The following CEP128 variants were observed in gnomAD, a reference collection of about 807,000 sequenced individuals.
CEP128 encodes the protein centrosomal protein 128.
In CEP128, 132 loss-of-function variants were observed where a neutral mutation model predicts 156.7. The ratio of observed to expected loss-of-function variants is 0.84; its 90% CI spans 0.73 to 0.97. The LOEUF is 0.97. Among genes scored for constraint, CEP128 ranks in the 50% least tolerant of loss-of-function variants. The pLI is 0.00. For synonymous variants in CEP128, 469 were observed against 448.9 expected (o/e 1.04, Z -0.57); for missense variants, 1,252 against 1,281.9 (o/e 0.98, Z 0.36).
chr14:80,596,710 G>A (rs537177698), intron 19 of CEP128, among the ~76,000 whole-genome samples: 11 of 140,014 alleles, frequency 7.9e-5, no homozygotes, highest in Admixed American at 1.4e-4. Context: ...CTACTTGGGA[G>A]GCTGAGGCAG....
At chr14:80,743,033 T>C in intron 19 of CEP128, 42 bp downstream of exon 19, 10 of 1,579,132 alleles carry the variant, frequency 6.3e-6, no homozygotes, top group Non-Finnish European at 8.7e-6. Context: ...TAGGATTCCA[T>C]AAATATAAAC....
At chr14:80,876,018 A>G (rs918977213) in intron 8 of CEP128, among the ~76,000 whole-genome samples, 38 of 152,182 alleles carry the variant, frequency 2.5e-4, no homozygotes, top group African/African-American at 7.7e-4. Flanking sequence ...TATTCAAAAG[A>G]AAGAAAGAAG....
At chr14:80,686,291 G>A (rs968803065) in intron 19 of CEP128, among the ~76,000 whole-genome samples, 1 of 152,152 alleles carries the variant, frequency 6.6e-6, no homozygotes, top group Middle Eastern at 3.4e-3. Context: ...CATTCTTAAA[G>A]AAAGTAATTT....
At chr14:80,830,308 G>A in intron 13 of CEP128, 1 of 538,854 alleles carries the variant, frequency 1.9e-6, no homozygotes, top group Admixed American at 3.4e-5. Context: ...GAGAAACACA[G>A]ATGAGTAACA....
At chr14:80,587,387 A>C (rs144777021) in intron 19 of CEP128, among the ~76,000 whole-genome samples, 1 of 152,168 alleles carries the variant, frequency 6.6e-6, no homozygotes, top group Non-Finnish European at 1.5e-5. Flanking sequence ...ATGGAGCCCA[A>C]TTGGTCCAAT....
chr14:80,738,207 C>T (rs1210454868), intron 19 of CEP128, among the ~76,000 whole-genome samples: 4 of 152,148 alleles, frequency 2.6e-5, no homozygotes, highest in Admixed American at 2.0e-4. Flanking sequence ...ATAAGCACAA[C>T]ATAAAGTCTA....
At chr14:80,650,870 T>C (rs1288712879) in intron 19 of CEP128, among the ~76,000 whole-genome samples, 5 of 152,194 alleles carry the variant, frequency 3.3e-5, no homozygotes, top group African/African-American at 1.2e-4. Flanking sequence ...GATACTGGCC[T>C]GAAATTTTCT....
intron 19 of CEP128, among the ~76,000 whole-genome samples, chr14:80,688,527 T>A (rs1896603054): frequency 6.6e-6 from 1 of 152,214 alleles, no homozygotes; most frequent in Non-Finnish European, 1.5e-5. Context: ...TTGCAATAGT[T>A]CCCAAACCTA....
intron 19 of CEP128, among the ~76,000 whole-genome samples, chr14:80,725,161 CTT>C (rs1897974080): frequency 1.3e-5 from 2 of 149,748 alleles, no homozygotes. Flanking sequence ...TAGGTTTACT[CTT>C]TGTCATTCTT....
chr14:80,648,324 T>C (rs1323679087), intron 19 of CEP128, among the ~76,000 whole-genome samples: 2 of 152,122 alleles, frequency 1.3e-5, no homozygotes, highest in Non-Finnish European at 2.9e-5. Context: ...ATCTATCAAG[T>C]GGCTTGACAG....
chr14:80,936,208 T>G (rs931111007), intron 2 of CEP128, among the ~76,000 whole-genome samples: 1 of 152,184 alleles, frequency 6.6e-6, no homozygotes, highest in Admixed American at 6.5e-5. Context: ...AAACCCTGTA[T>G]GCAGAGTAGA....
intron 19 of CEP128, among the ~76,000 whole-genome samples, chr14:80,619,435 G>A (rs1392790911): frequency 3.4e-5 from 5 of 148,568 alleles, no homozygotes; most frequent in African/African-American, 1.2e-4. Flanking sequence ...CATGGTGGCT[G>A]ATGTCTGTAA....
chr14:80,540,712 C>A (rs1245016524), intron 21 of CEP128, among the ~76,000 whole-genome samples: 1 of 152,144 alleles, frequency 6.6e-6, no homozygotes, highest in Non-Finnish European at 1.5e-5. Context: ...AGGAGAAGGT[C>A]TTGTGGAGTT....
intron 2 of CEP128, among the ~76,000 whole-genome samples, chr14:80,948,083 AT>A (rs58750849): frequency 0.51 from 77,176 of 151,980 alleles, 21,446 homozygotes; most frequent in African/African-American, 0.74. Flanking sequence ...TAAAAGGGAA[AT>A]TCCCCCAAAT....
At chr14:80,704,913 C>T (rs1468059684) in intron 19 of CEP128, among the ~76,000 whole-genome samples, 1 of 151,982 alleles carries the variant, frequency 6.6e-6, no homozygotes, top group Non-Finnish European at 1.5e-5. Flanking sequence ...ATATACATTA[C>T]TCCAATCATC....
At chr14:80,643,926 T>C (rs1894528868) in intron 19 of CEP128, among the ~76,000 whole-genome samples, 1 of 152,170 alleles carries the variant, frequency 6.6e-6, no homozygotes, top group Non-Finnish European at 1.5e-5. Flanking sequence ...GGAGATAGCG[T>C]GAGTCAAGGA....
At chr14:80,691,296 C>T (rs1418631191) in intron 19 of CEP128, among the ~76,000 whole-genome samples, 1 of 152,116 alleles carries the variant, frequency 6.6e-6, no homozygotes, top group Admixed American at 6.6e-5. Context: ...AATCAGAAGT[C>T]AATTATCCTT....
chr14:80,687,772 T>C (rs1487965664), intron 19 of CEP128, among the ~76,000 whole-genome samples: 1 of 152,134 alleles, frequency 6.6e-6, no homozygotes. Flanking sequence ...GTCGAAAAGG[T>C]AATACTGAAC....
chr14:80,647,124 CAT>C (rs34519195), intron 19 of CEP128, among the ~76,000 whole-genome samples: 2,072 of 76,978 alleles, frequency 0.027, 275 homozygotes, highest in Middle Eastern at 0.07. Flanking sequence ...CACACACACA[CAT>C]ACACACACAC....
Sources: allele counts gnomAD v4.1 joint callset (sites outside exome capture counted in the v4.1 genomes callset), GRCh38; gene constraint gnomAD v4.1.1; transcripts MANE v1.5; gene names NCBI Gene and HGNC (gene_info 2026-07-23, HGNC 2026-07-21).